Variants in SPIDR observed in about 807,000 individuals in gnomAD.
The protein encoded by SPIDR is DNA repair-scaffolding protein.
A neutral mutation model predicts 104.6 loss-of-function variants in SPIDR; 93 were observed. The ratio of observed to expected loss-of-function variants is 0.89; its 90% CI spans 0.75 to 1.06. SPIDR has a LOEUF of 1.06. SPIDR is among the 50% of genes least tolerant of loss of function. The pLI is 0.00. For synonymous variants in SPIDR, 431 were observed against 416.9 expected (o/e 1.03, Z -0.41); for missense variants, 1,154 against 1,111.2 (o/e 1.04, Z -0.55).
intron 2 of SPIDR, among the ~76,000 whole-genome samples, chr8:47,281,167 T>G (rs1446273787): frequency 6.6e-6 from 1 of 152,184 alleles, no homozygotes; most frequent in Non-Finnish European, 1.5e-5. Context: ...TTAAAAATAC[T>G]TTGTTGCTAA....
intron 7 of SPIDR, among the ~76,000 whole-genome samples, chr8:47,414,549 ATCTT>A (rs782102065): frequency 3.3e-5 from 5 of 152,166 alleles, no homozygotes; most frequent in Non-Finnish European, 7.3e-5. Flanking sequence ...TTAGCTTGAG[ATCTT>A]TCTTTCCACG....
intron 5 of SPIDR, among the ~76,000 whole-genome samples, chr8:47,395,270 A>C (rs1230742096): frequency 1.3e-5 from 2 of 152,122 alleles, no homozygotes; most frequent in African/African-American, 4.8e-5. Flanking sequence ...AATCACTTCT[A>C]CCCGAGAAGC....
At chr8:47,725,626 G>A (rs781603402) in intron 16 of SPIDR, among the ~76,000 whole-genome samples, 11 of 152,108 alleles carry the variant, frequency 7.2e-5, no homozygotes, top group African/African-American at 1.4e-4. Flanking sequence ...TCTTGACCTC[G>A]TGATCCTCCC....
chr8:47,734,664 G>A (rs867099243), intron 19 of SPIDR, among the ~76,000 whole-genome samples: 20 of 152,208 alleles, frequency 1.3e-4, no homozygotes, highest in South Asian at 1.2e-3. Context: ...AGCCCTACCC[G>A]CAACAGCATT....
intron 7 of SPIDR, among the ~76,000 whole-genome samples, chr8:47,422,128 TTCAAAGCTGTCAGACAGG>T (rs1253106384): frequency 4.6e-5 from 7 of 152,198 alleles, no homozygotes; most frequent in Non-Finnish European, 4.4e-5. Context: ...CACTACTCTC[TTCAAAGCTGTCAGACAGG>T]GACTTTTGAG....
chr8:47,460,535 CTTAAGT>C (rs1221588298), intron 8 of SPIDR, among the ~76,000 whole-genome samples: 1 of 152,042 alleles, frequency 6.6e-6, no homozygotes, highest in Non-Finnish European at 1.5e-5. Flanking sequence ...ACCCCTTTAC[CTTAAGT>C]TTATCTGAGT....
chr8:47,718,463 A>C (rs1244041404), intron 16 of SPIDR, among the ~76,000 whole-genome samples: 1 of 151,804 alleles, frequency 6.6e-6, no homozygotes, highest in Non-Finnish European at 1.5e-5. Flanking sequence ...TTTCCTTCTC[A>C]AATTCACTTA....
chr8:47,524,988 G>A (rs1039938033), intron 8 of SPIDR, among the ~76,000 whole-genome samples: 2 of 152,116 alleles, frequency 1.3e-5, no homozygotes, highest in African/African-American at 4.8e-5. Context: ...AGGTGTAAAG[G>A]CCACACTATG....
intron 11 of SPIDR, among the ~76,000 whole-genome samples, chr8:47,681,086 A>AGT (rs778323139): frequency 3.4e-4 from 51 of 152,230 alleles, no homozygotes; most frequent in Non-Finnish European, 6.2e-4. Context: ...AGAGAGAGAG[A>AGT]GAATGCGAAT....
At chr8:47,727,075 A>G (rs2084356398) in intron 16 of SPIDR, 125 bp from the exon 17 acceptor site, 1 of 687,662 alleles carries the variant, frequency 1.5e-6, no homozygotes, top group African/African-American at 1.8e-5. Context: ...AGGAACATGT[A>G]TATAAACTCC....
chr8:47,323,101 AGAAG>A (rs2154263624), intron 5 of SPIDR, among the ~76,000 whole-genome samples: 1 of 152,002 alleles, frequency 6.6e-6, no homozygotes, highest in African/African-American at 2.4e-5. Flanking sequence ...AAAAAGAAGA[AGAAG>A]AGAAAAAAAA....
intron 3 of SPIDR, among the ~76,000 whole-genome samples, chr8:47,288,567 GC>G (rs2039306107): frequency 6.6e-6 from 1 of 152,198 alleles, no homozygotes; most frequent in African/African-American, 2.4e-5. Context: ...ACAGGCGTGA[GC>G]CACCGCTCCC....
chr8:47,678,360 G>C (rs2076692462), intron 11 of SPIDR, among the ~76,000 whole-genome samples: 2 of 152,232 alleles, frequency 1.3e-5, no homozygotes, highest in South Asian at 4.1e-4. Flanking sequence ...TTGAGGGAGA[G>C]ATTGGGATAG....
At chr8:47,631,323 C>T (rs749273959) in intron 10 of SPIDR, among the ~76,000 whole-genome samples, 1 of 152,118 alleles carries the variant, frequency 6.6e-6, no homozygotes, top group Non-Finnish European at 1.5e-5. Flanking sequence ...TCTCTGTGCC[C>T]TCGGTTATAA....
intron 7 of SPIDR, among the ~76,000 whole-genome samples, chr8:47,411,587 T>C (rs991091439): frequency 1.3e-5 from 2 of 152,238 alleles, no homozygotes; most frequent in Admixed American, 1.3e-4. Flanking sequence ...GCGAAAGTTT[T>C]CTCCCATTCT....
chr8:47,719,643 G>A (rs2154491564), intron 16 of SPIDR, among the ~76,000 whole-genome samples: 1 of 152,260 alleles, frequency 6.6e-6, no homozygotes, highest in Admixed American at 6.5e-5. Flanking sequence ...AACAAGGGGT[G>A]AGTGCCCTAG....
At chr8:47,323,108 A>G (rs1322252092) in intron 5 of SPIDR, among the ~76,000 whole-genome samples, 3 of 142,940 alleles carry the variant, frequency 2.1e-5, no homozygotes, top group Non-Finnish European at 3.2e-5. Context: ...AGAAGAAGAG[A>G]AAAAAAAAAG....
At chr8:47,363,193 A>ATC (rs1432296982) in intron 5 of SPIDR, among the ~76,000 whole-genome samples, 4 of 129,938 alleles carry the variant, frequency 3.1e-5, no homozygotes, top group South Asian at 2.5e-4. Context: ...TTTTTTCTTT[A>ATC]TCTCTCTTTT....
At chr8:47,586,805 G>A (rs968151072) in intron 8 of SPIDR, among the ~76,000 whole-genome samples, 2 of 152,140 alleles carry the variant, frequency 1.3e-5, no homozygotes, top group African/African-American at 4.8e-5. Flanking sequence ...GTCTCGCTCT[G>A]TCGACCAGGC....
Sources: allele counts gnomAD v4.1 joint callset (sites outside exome capture counted in the v4.1 genomes callset), GRCh38; gene constraint gnomAD v4.1.1; transcripts MANE v1.5; gene names NCBI Gene and HGNC (gene_info 2026-07-23, HGNC 2026-07-21).